Variants in SDK1 observed in about 807,000 individuals in gnomAD.
SDK1 encodes protein sidekick-1.
In SDK1, 157 loss-of-function variants were observed where a neutral mutation model predicts 245.5. The ratio of observed to expected loss-of-function variants is 0.64; its 90% CI spans 0.56 to 0.73. The LOEUF (loss-of-function observed/expected upper bound fraction) is 0.73, where lower values mean the gene tolerates loss of function less well. Among genes scored for constraint, SDK1 ranks in the 30% least tolerant of loss-of-function variants. The pLI is 0.00. For synonymous variants in SDK1, 1,647 were observed against 1,278.5 expected, an observed-to-expected ratio of 1.29 and a Z score of -6.15; for missense variants, 3,583 against 3,002.3, an observed-to-expected ratio of 1.19 and a Z score of -4.52.
At chr7:3,876,358 C>T (rs1189963191) in intron 5 of SDK1, among the ~76,000 whole-genome samples, 1 of 152,186 alleles carries the variant, frequency 6.6e-6, no homozygotes, top group Admixed American at 6.5e-5. Flanking sequence ...TCCAATGCTG[C>T]AGGTCCTGTT....
chr7:4,091,334 C>CTTTTCTCTTTTTTTTTTTTTTTT (rs1259034611), intron 22 of SDK1, among the ~76,000 whole-genome samples: 1 of 108,260 alleles, frequency 9.2e-6, no homozygotes, highest in Non-Finnish European at 1.8e-5. Flanking sequence ...CTTTTCTTTT[C>CTTTTCTCTTTTTTTTTTTTTTTT]TTTTTTTTTT....
rs1780826215 is a variant in SDK1, at chr7:3,357,326, G to GTTTTTTTTTT, written c.298+55443_298+55444insTTTTTTTTTT. ...TTTTACTCTTGCTCCCCTTCTTTTA[G>GTTTTTTTTTT]TGTTTTTTTTTTTTTTTTTTTTTTT... is the stretch of plus-strand genomic sequence containing the variant. On this transcript the variant is annotated intron_variant, in intron 1 of 44. Transcript: ENST00000404826. Among the ~76,000 whole-genome samples the GTTTTTTTTTT allele has an allele frequency of 6.0e-5, 3 of 50,102 alleles. 1 individual carries two copies. Among genetic ancestry groups the GTTTTTTTTTT allele is most frequent in the Non-Finnish European group, 8.1e-5 (2 of 24,806 alleles). 32.9% of individuals were successfully genotyped at this position (50,102 alleles called of 152,430 possible).
intron 4 of SDK1, among the ~76,000 whole-genome samples, chr7:3,654,853 G>T (rs542900157): frequency 6.6e-6 from 1 of 152,082 alleles, no homozygotes; most frequent in Non-Finnish European, 1.5e-5. Context: ...CATTTCACAT[G>T]AGCATATCTT....
At chr7:3,402,376 A>G (rs1463028512) in intron 1 of SDK1, among the ~76,000 whole-genome samples, 2 of 152,198 alleles carry the variant, frequency 1.3e-5, no homozygotes, top group African/African-American at 4.8e-5. Flanking sequence ...CGGAAGCACA[A>G]TGTTTATTTC....
At chr7:3,564,057 G>C (rs1779830775) in intron 1 of SDK1, among the ~76,000 whole-genome samples, 1 of 151,882 alleles carries the variant, frequency 6.6e-6, no homozygotes, top group South Asian at 2.1e-4. Flanking sequence ...TACTTAAAAG[G>C]ACTTTATAGC....
chr7:3,619,244 T>C lies in SDK1; in HGVS notation c.458+5T>C, dbSNP rs751212791. On this transcript the variant is annotated splice_donor_5th_base_variant and intron_variant, in intron 2 of 44. Transcript: ENST00000404826. ...CACCTACAGCAGCGAATATAAGTAA[T>C]TGATCGCTTGAAAAAATAAGATCCC... 2.5e-6 allele frequency: 4 copies of C among 1,593,922 alleles called. No homozygotes were observed. Among genetic ancestry groups the C allele is most frequent in the African/African-American group, 2.7e-5 (2 of 74,756 alleles).
In SDK1 at chr7:3,885,048, C is replaced by G. The variant is rs10240776; in HGVS notation, c.847+63465C>G. ...TCCCCCGACCCCCACCCCGCCCCATCTCTGCCAATAGCCCCTGGGGACTAT... is the reference window on the plus strand; with the variant it reads ...TCCCCCGACCCCCACCCCGCCCCATGTCTGCCAATAGCCCCTGGGGACTAT... On this transcript the variant is annotated intron_variant, in intron 5 of 44. Transcript: ENST00000404826. 7.9e-3 allele frequency among the ~76,000 whole-genome samples: 1,187 copies of G among 149,960 alleles called. 18 individuals are homozygous for G. The highest frequency in any genetic ancestry group is 0.027 in the African/African-American group (1,126 of 41,194).
intron 19 of SDK1, among the ~76,000 whole-genome samples, chr7:4,060,692 T>G (rs1182285196): frequency 5.3e-5 from 8 of 152,128 alleles, no homozygotes; most frequent in Admixed American, 5.2e-4. Context: ...TTGCTTTTGG[T>G]GTTTTAGACA....
intron 1 of SDK1, among the ~76,000 whole-genome samples, chr7:3,451,296 A>G (rs915949573): frequency 6.6e-6 from 1 of 152,172 alleles, no homozygotes; most frequent in Admixed American, 6.5e-5. Flanking sequence ...CCGCTTTCCC[A>G]CTGAGTCTGG....
intron 5 of SDK1, among the ~76,000 whole-genome samples, chr7:3,879,913 T>C (rs1781165501): frequency 6.6e-6 from 1 of 152,066 alleles, no homozygotes; most frequent in Non-Finnish European, 1.5e-5. Context: ...AGGCGGCGTA[T>C]GCTACATGAC....
chr7:3,756,679 C>T (rs567099004), intron 4 of SDK1, among the ~76,000 whole-genome samples: 1 of 152,190 alleles, frequency 6.6e-6, no homozygotes, highest in African/African-American at 2.4e-5. Context: ...TCTTGGTCTC[C>T]TCCAATCTGT....
chr7:3,540,533 A>G (rs566668974), intron 1 of SDK1, among the ~76,000 whole-genome samples: 15 of 149,922 alleles, frequency 1.0e-4, no homozygotes, highest in Non-Finnish European at 2.1e-4. Flanking sequence ...GTGACTCTGA[A>G]TCTAAGAAGA....
At chr7:4,071,052 G>A (rs1019196836) in intron 20 of SDK1, among the ~76,000 whole-genome samples, 18 of 151,642 alleles carry the variant, frequency 1.2e-4, no homozygotes, top group African/African-American at 3.9e-4. Flanking sequence ...TTGAAATGGA[G>A]TGTCTCTCTG....
At chr7:4,189,647 C>T (rs1005883826) in intron 35 of SDK1, among the ~76,000 whole-genome samples, 4 of 152,106 alleles carry the variant, frequency 2.6e-5, no homozygotes, top group African/African-American at 4.8e-5. Flanking sequence ...GTCAGGAGTT[C>T]GAAACCAGCC....
At chr7:3,859,113 C>T (rs928181204) in intron 5 of SDK1, among the ~76,000 whole-genome samples, 3 of 152,022 alleles carry the variant, frequency 2.0e-5, no homozygotes, top group Admixed American at 6.5e-5. Flanking sequence ...CCGCCCGCCT[C>T]GGCCTCCCAA....
intron 19 of SDK1, among the ~76,000 whole-genome samples, chr7:4,053,452 AT>A (rs1779011170): frequency 6.6e-6 from 1 of 151,712 alleles, no homozygotes; most frequent in Non-Finnish European, 1.5e-5. Context: ...TCATGGCGCT[AT>A]TACTTCTTCC....
intron 1 of SDK1, among the ~76,000 whole-genome samples, chr7:3,388,562 A>G (rs978235891): frequency 1.3e-5 from 2 of 151,996 alleles, no homozygotes; most frequent in African/African-American, 4.8e-5. Flanking sequence ...GAAAAGTTGA[A>G]TTTCTCAAAT....
At position 4,267,760 on chromosome 7, in the gene SDK1, C is replaced by T. The variant is rs572441268; in HGVS notation, c.*2376C>T. Reference sequence around the variant, plus strand: ...ACTTCTGTTTCAAGCTCATGTTTTCCGTCTCCCCTCCACTCTTAGTAAACC... The same window carrying T: ...ACTTCTGTTTCAAGCTCATGTTTTCTGTCTCCCCTCCACTCTTAGTAAACC... On this transcript the variant is annotated 3_prime_UTR_variant, in exon 45 of 45. Coordinates refer to ENST00000404826, the MANE Select transcript of SDK1 (RefSeq NM_152744.4). The T allele has an allele frequency of 7.8e-4, 764 of 985,462 alleles. No individual in the cohort carries two copies. Among genetic ancestry groups the T allele is most frequent in the Non-Finnish European group, 8.8e-4 (729 of 829,966 alleles). The allele number at this position is 985,462 out of a possible 1,614,324, so 61.0% of individuals were successfully genotyped here.
At chr7:3,964,690 C>A (rs1781963602) in intron 9 of SDK1, among the ~76,000 whole-genome samples, 2 of 152,094 alleles carry the variant, frequency 1.3e-5, no homozygotes, top group South Asian at 2.1e-4. Context: ...TGGAATTATA[C>A]CTTTTGTGTT....
Sources: gnomAD v4.1 joint callset for allele counts (sites outside exome capture counted in the v4.1 genomes callset) on GRCh38, gnomAD v4.1.1 for gene constraint, MANE v1.5 for transcripts, NCBI Gene and HGNC (gene_info 2026-07-23, HGNC 2026-07-21) for gene names.